The following ATXN10 variants were observed in gnomAD, a reference collection of about 807,000 sequenced individuals.
ATXN10 encodes ataxin 10, also known as ataxin-10.
ATXN10 carries 28 observed loss-of-function variants against 52.9 expected under a neutral mutation model. The ratio of observed to expected loss-of-function variants is 0.53; its 90% confidence interval spans 0.39 to 0.73. The LOEUF (loss-of-function observed/expected upper bound fraction) is 0.73, where lower values mean the gene tolerates loss of function less well. ATXN10 is among the 30% of genes least tolerant of loss of function. The pLI is 0.00. For missense variants in ATXN10, 565 were observed against 577.0 expected, an observed-to-expected ratio of 0.98 and a Z score of 0.21; for synonymous variants, 226 against 221.5, an observed-to-expected ratio of 1.02 and a Z score of -0.18.
chr22:45,782,294 C>A (rs991161690), intron 9 of ATXN10, among the ~76,000 whole-genome samples: 1 of 152,096 alleles, frequency 6.6e-6, no homozygotes. Context: ...TTTGCTAAAC[C>A]AGCTATTATA....
At position 45,825,415 on chromosome 22, in the gene ATXN10, G is replaced by A. The variant is rs923961484; in HGVS notation, c.1238-17576G>A. On this transcript the variant is annotated intron_variant, in intron 10 of 11. Coordinates refer to ENST00000252934, the MANE Select transcript of ATXN10 (RefSeq NM_013236.4). The surrounding 1 kb of genome is among the most constrained non-coding windows in gnomAD (Gnocchi z 4.5). Reference sequence around the variant, plus strand: ...ATACAGGGAAAATTAGAAAGTCACCGTAGATTCCCAGGGAATAGCATAGGC... The same window carrying A: ...ATACAGGGAAAATTAGAAAGTCACCATAGATTCCCAGGGAATAGCATAGGC... Among the ~76,000 whole-genome samples the A allele has an allele frequency of 2.6e-5, 4 of 152,108 alleles. No individual in the cohort carries two copies. The highest frequency in any genetic ancestry group is 7.2e-5 in the African/African-American group (3 of 41,390).
chr22:45,699,431 T>A (rs1363738099), intron 3 of ATXN10, among the ~76,000 whole-genome samples: 1 of 151,818 alleles, frequency 6.6e-6, no homozygotes, highest in Non-Finnish European at 1.5e-5. Context: ...TTTATACAGA[T>A]CTGAGTGTTA....
intron 10 of ATXN10, among the ~76,000 whole-genome samples, chr22:45,817,417 T>C (rs7288212): frequency 0.13 from 19,560 of 150,626 alleles, 1,370 homozygotes; most frequent in Middle Eastern, 0.17. Context: ...CTGCGCCTCC[T>C]GAGTTCAAGT....
rs1229091716 is a variant in ATXN10, at chr22:45,708,485, T to C, written c.647+5638T>C. Among the ~76,000 whole-genome samples the C allele has an allele frequency of 6.6e-6, 1 of 152,210 alleles. No homozygotes were observed. On this transcript the variant is annotated intron_variant, in intron 5 of 11. Transcript: ENST00000252934. This position sits in a 1 kb window ranked among gnomAD's most constrained non-coding sequence, Gnocchi z 5.3. ...TGACAAAGGTCACACAACTAGCATA[T>C]AGCAGAGGCAGCATTGCAAGTGATG... is the stretch of plus-strand genomic sequence containing the variant.
intron 9 of ATXN10, among the ~76,000 whole-genome samples, chr22:45,742,516 T>A: frequency 7.3e-6 from 1 of 137,588 alleles, no homozygotes. Context: ...AACTGAAAAA[T>A]ACAGTATCTA....
At chr22:45,698,853 T>C (rs1324429909) in intron 3 of ATXN10, among the ~76,000 whole-genome samples, 1 of 152,230 alleles carries the variant, frequency 6.6e-6, no homozygotes, top group Non-Finnish European at 1.5e-5. Context: ...TCAAACCTAA[T>C]ACAAATAATC....
At chr22:45,748,251 C>A (rs1393347589) in intron 9 of ATXN10, among the ~76,000 whole-genome samples, 1 of 152,048 alleles carries the variant, frequency 6.6e-6, no homozygotes, top group Admixed American at 6.6e-5. Flanking sequence ...CCTCCTCTTA[C>A]CCTCCCTACC....
intron 1 of ATXN10, among the ~76,000 whole-genome samples, chr22:45,686,901 G>A (rs770590991): frequency 2.6e-5 from 4 of 152,016 alleles, no homozygotes; most frequent in Non-Finnish European, 5.9e-5. Context: ...CTGGTGGTGA[G>A]ATATGTTTGA....
chr22:45,722,491 T>G (rs17651809), intron 6 of ATXN10, among the ~76,000 whole-genome samples: 1 of 152,214 alleles, frequency 6.6e-6, no homozygotes, highest in Non-Finnish European at 1.5e-5. Flanking sequence ...GATTCATTTC[T>G]GACTTTGACT....
rs1342989726 is a variant in ATXN10 at position 45,715,354 on chromosome 22, T to C, written c.648-3059T>C. 6.6e-6 allele frequency among the ~76,000 whole-genome samples: 1 copy of C among 152,212 alleles called. No homozygotes were observed. Among genetic ancestry groups the C allele is most frequent in the Admixed American group, 6.5e-5 (1 of 15,278 alleles). ...GATTTTAACACCTGCTTTTCAGCCA[T>C]GGGCAGGACTCATAGACAAATATCA... On this transcript the variant is annotated intron_variant, in intron 5 of 11. Transcript: ENST00000252934. The surrounding 1 kb of genome is among the most constrained non-coding windows in gnomAD (Gnocchi z 4.4).
In ATXN10 at chr22:45,786,695, CTCAG is replaced by C. The variant is rs1927334330; in HGVS notation, c.1174-20263_1174-20260del. Among the ~76,000 whole-genome samples the C allele has an allele frequency of 1.3e-5, 2 of 152,192 alleles. No homozygotes were observed. The highest frequency in any genetic ancestry group is 4.8e-5 in the African/African-American group (2 of 41,438). Reference sequence around the variant, plus strand: ...TAAAATGTAGGCAGCTGGAGGAATGCTCAGCCTTCCTTTATGGCAAAGGAAAGCC... The same window carrying C: ...TAAAATGTAGGCAGCTGGAGGAATGCCCTTCCTTTATGGCAAAGGAAAGCC... On this transcript the variant is annotated intron_variant, in intron 9 of 11. Transcript: ENST00000252934. The surrounding 1 kb of genome is among the most constrained non-coding windows in gnomAD (Gnocchi z 4.1).
chr22:45,757,331 C>G lies in ATXN10; in HGVS notation c.1173+16793C>G, dbSNP rs973428954. ...ACAAAACAAAAATGCCTCAGAGCTT[C>G]AGTGTAACTGGAGCAATACCAGCTG... On this transcript the variant is annotated intron_variant, in intron 9 of 11. Transcript: ENST00000252934. This position sits in a 1 kb window ranked among gnomAD's most constrained non-coding sequence, Gnocchi z 4.6. Among the ~76,000 whole-genome samples the G allele has an allele frequency of 1.3e-5, 2 of 152,202 alleles. No individual in the cohort carries two copies. The highest frequency in any genetic ancestry group is 4.8e-5 in the African/African-American group (2 of 41,456).
At chr22:45,834,675 G>T (rs1161076327) in intron 10 of ATXN10, among the ~76,000 whole-genome samples, 1 of 152,184 alleles carries the variant, frequency 6.6e-6, no homozygotes, top group East Asian at 1.9e-4. Context: ...GCACCAATGG[G>T]CAAATATTTT....
chr22:45,692,819 A>T (rs41279799), intron 2 of ATXN10, among the ~76,000 whole-genome samples, 177 bp from the exon 3 acceptor site: 1,716 of 152,338 alleles, frequency 0.011, 23 homozygotes, highest in Non-Finnish European at 0.018. Context: ...CTGCATGTAA[A>T]TATAACCTCT....
At chr22:45,813,627 A>G (rs1928361465) in intron 10 of ATXN10, among the ~76,000 whole-genome samples, 1 of 152,110 alleles carries the variant, frequency 6.6e-6, no homozygotes, top group East Asian at 1.9e-4. Flanking sequence ...AGGCAGACCC[A>G]CACTCAAGTT....
chr22:45,710,649 G>A (rs1169800431), intron 5 of ATXN10, among the ~76,000 whole-genome samples: 1 of 152,018 alleles, frequency 6.6e-6, no homozygotes, highest in Admixed American at 6.6e-5. Flanking sequence ...GTCTGAATCC[G>A]GCCCACTGCT....
chr22:45,753,825 G>A (rs1926080083), intron 9 of ATXN10, among the ~76,000 whole-genome samples: 1 of 152,126 alleles, frequency 6.6e-6, no homozygotes, highest in Non-Finnish European at 1.5e-5. Flanking sequence ...CTGAGATGTC[G>A]AAGCAACCCA....
Position 45,715,841 on chromosome 22 carries a change from C to T in ATXN10, c.648-2572C>T, listed in dbSNP as rs995501526. Among the ~76,000 whole-genome samples the T allele has an allele frequency of 6.6e-6, 1 of 152,152 alleles. No homozygotes were observed. Among genetic ancestry groups the T allele is most frequent in the Non-Finnish European group, 1.5e-5 (1 of 68,026 alleles). On this transcript the variant is annotated intron_variant, in intron 5 of 11. Coordinates refer to ENST00000252934, the MANE Select transcript of ATXN10 (RefSeq NM_013236.4). The surrounding 1 kb of genome is among the most constrained non-coding windows in gnomAD (Gnocchi z 4.4). ...TGAAATCATAGAGCACATTCTCTTA[C>T]TCATAAGATGATTTCTAGAAAAATT... is the stretch of plus-strand genomic sequence containing the variant.
Position 45,690,281 on chromosome 22 carries a change from A to G in ATXN10, c.308+378A>G, listed in dbSNP as rs1017782960. Among the ~76,000 whole-genome samples, 10 of 143,256 alleles carry G rather than the reference A, an allele frequency of 7.0e-5. No individual in the cohort carries two copies. Among genetic ancestry groups the G allele is most frequent in the African/African-American group, 2.3e-4 (9 of 38,474 alleles). The allele number at this position is 143,256 out of a possible 152,430, so 94.0% of individuals were successfully genotyped here. A position where few individuals can be genotyped will look rare whatever the true frequency, so the allele number is the denominator to read the frequency against. On this transcript the variant is annotated intron_variant, in intron 2 of 11. Transcript: ENST00000252934. The surrounding 1 kb of genome is among the most constrained non-coding windows in gnomAD (Gnocchi z 4.5). ...ACATTGTGAGACCCTGTCTCAGGGAAAAAAAAAAAAAAAAAGTTGTTCTGG... is the reference window on the plus strand; with the variant it reads ...ACATTGTGAGACCCTGTCTCAGGGAGAAAAAAAAAAAAAAAGTTGTTCTGG...
Sources: allele counts gnomAD v4.1 joint callset (sites outside exome capture counted in the v4.1 genomes callset), GRCh38; gene constraint gnomAD v4.1.1; non-coding constraint Gnocchi (gnomAD v3.1); transcripts MANE v1.5; gene names NCBI Gene and HGNC (gene_info 2026-07-23, HGNC 2026-07-21).